Variants in TMEM41B observed in about 807,000 individuals in gnomAD.
TMEM41B encodes protein stasimon.
A neutral mutation model predicts 31.9 loss-of-function variants in TMEM41B; 18 were observed. The ratio of observed to expected loss-of-function variants is 0.56; its 90% CI spans 0.39 to 0.84. The LOEUF (loss-of-function observed/expected upper bound fraction) is 0.84. TMEM41B is among the 40% of genes least tolerant of loss of function. The pLI is 0.00. For missense variants in TMEM41B, 322 were observed against 348.0 expected (o/e 0.93, Z 0.59); for synonymous variants, 144 against 124.3 (o/e 1.16, Z -1.05).
intron 1 of TMEM41B, among the ~76,000 whole-genome samples, chr11:9,300,292 T>C (rs1266102150): frequency 6.6e-6 from 1 of 152,120 alleles, no homozygotes; most frequent in East Asian, 1.9e-4. Flanking sequence ...AAGAACATTG[T>C]TCTAAATGCT....
chr11:9,313,882 C>A (rs1853622504), intron 1 of TMEM41B, among the ~76,000 whole-genome samples: 1 of 152,148 alleles, frequency 6.6e-6, no homozygotes, highest in Non-Finnish European at 1.5e-5. Context: ...TGTACTGCCA[C>A]CTGGAAGTAT....
At chr11:9,287,854 T>G (rs1194505137) in intron 4 of TMEM41B, 48 bp from the exon 5 acceptor site, 1 of 1,399,618 alleles carries the variant, frequency 7.1e-7, no homozygotes, top group Non-Finnish European at 1.0e-6. Flanking sequence ...TCCGTCTTAC[T>G]CACATTGATT....
chr11:9,285,152 T>C (rs1294873514), intron 6 of TMEM41B, among the ~76,000 whole-genome samples: 1 of 148,006 alleles, frequency 6.8e-6, no homozygotes, highest in Non-Finnish European at 1.5e-5. Flanking sequence ...TGGCACAATC[T>C]CGGTTCACTG....
chr11:9,284,998 T>G (rs568151390), intron 6 of TMEM41B, among the ~76,000 whole-genome samples: 7 of 152,052 alleles, frequency 4.6e-5, no homozygotes, highest in African/African-American at 1.7e-4. Context: ...TTAGATTCCA[T>G]GGATATGACA....
rs747365244 is a variant in TMEM41B, at chr11:9,295,314, AT to A, written c.312del (p.Lys104AsnfsTer12). ...ACTTGAACATAAAAGGTGTCCTTGT[AT>A]TTGGATAAAACTTTTCCTAGAGCCT... ...DAKALGKVLS[K>X]YKDTFYVQVL... On this transcript the variant is annotated frameshift_variant, in exon 3 of 7. Coordinates refer to ENST00000528080, the MANE Select transcript of TMEM41B (RefSeq NM_015012.4). LOFTEE classifies it high-confidence loss of function. 1 of 1,598,448 alleles carries A rather than the reference AT, an allele frequency of 6.3e-7. No homozygotes were observed. Among genetic ancestry groups the A allele is most frequent in the South Asian group, 1.1e-5 (1 of 89,398 alleles).
At chr11:9,292,047 T>A (rs978692930) in intron 3 of TMEM41B, among the ~76,000 whole-genome samples, 3 of 152,152 alleles carry the variant, frequency 2.0e-5, no homozygotes, top group African/African-American at 7.2e-5. Flanking sequence ...TTGTCAGACT[T>A]CAAGAAATTA....
At position 9,314,490 on chromosome 11, in the gene TMEM41B, A is replaced by G. The variant is rs994610889; in HGVS notation, c.-49T>C. ...GGTGCGGTGCCGCGCCCCCTAAACA[A>G]CAAAACTCTGTTGCAGGCTCCTTAC... is the stretch of plus-strand genomic sequence containing the variant. On this transcript the variant is annotated 5_prime_UTR_variant, in exon 1 of 7. Coordinates refer to ENST00000528080, the MANE Select transcript of TMEM41B (RefSeq NM_015012.4). 3 of 1,517,356 alleles carry G rather than the reference A, an allele frequency of 2.0e-6. No homozygotes were observed. Among genetic ancestry groups the G allele is most frequent in the Non-Finnish European group, 1.8e-6 (2 of 1,128,184 alleles). 94.0% of individuals were successfully genotyped at this position (1,517,356 alleles called of 1,614,324 possible).
Position 9,296,038 on chromosome 11 carries a change from G to C in TMEM41B, c.240-651C>G, listed in dbSNP as rs1393613950. Among the ~76,000 whole-genome samples the C allele has an allele frequency of 5.4e-5, 8 of 149,520 alleles. No homozygotes were observed. In the East Asian group the frequency reaches 8.1e-4, roughly 15 times the overall value. ...TGCCTGACTAATTTTTGTATTTTTA[G>C]TAGAGACGGGGTTTCACCATGTTGG... is the stretch of plus-strand genomic sequence containing the variant. On this transcript the variant is annotated intron_variant, in intron 2 of 6. Transcript: ENST00000528080.
In TMEM41B at chr11:9,299,265, AG is replaced by A. The variant is rs1322602603; in HGVS notation, c.239+318del. ...GCCACTGCATTCCAGCCTGGGTGAC[AG>A]GGCAAGACTCTGTCTCAAAAAAAAA... On this transcript the variant is annotated intron_variant, in intron 2 of 6. Transcript: ENST00000528080. Among the ~76,000 whole-genome samples the A allele has an allele frequency of 2.7e-5, 3 of 112,624 alleles. No individual in the cohort carries two copies. In the East Asian group the frequency reaches 8.5e-4, roughly 32 times the overall value. The allele number at this position is 112,624 out of a possible 152,430, so 73.9% of individuals were successfully genotyped here.
chr11:9,310,704 G>C (rs532105859), intron 1 of TMEM41B, among the ~76,000 whole-genome samples: 1 of 137,994 alleles, frequency 7.2e-6, no homozygotes, highest in South Asian at 2.3e-4. Context: ...ACTTTATTTG[G>C]ACTGAGAGCT....
intron 2 of TMEM41B, 27 bp from the exon 3 acceptor site, chr11:9,295,414 G>T (rs943084381): frequency 2.1e-6 from 3 of 1,422,622 alleles, no homozygotes; most frequent in African/African-American, 1.4e-5. Flanking sequence ...AAAAATTTTA[G>T]AACAGAATTT....
chr11:9,289,796 C>T (rs1221607448), intron 3 of TMEM41B, among the ~76,000 whole-genome samples: 1 of 152,174 alleles, frequency 6.6e-6, no homozygotes, highest in East Asian at 1.9e-4. Flanking sequence ...AACATGGCTT[C>T]AGTGAACTGT....
At position 9,314,216 on chromosome 11, in the gene TMEM41B, C is replaced by A. The variant is rs576233724; in HGVS notation, c.121+105G>T. On this transcript the variant is annotated intron_variant, in intron 1 of 6. Transcript: ENST00000528080. Reference sequence around the variant, plus strand: ...TGCTCCCGCCGCGGCGCCAGCAGGCCCCCCTCTTTCCCCGCGACTCTCCGA... The same window carrying A: ...TGCTCCCGCCGCGGCGCCAGCAGGCACCCCTCTTTCCCCGCGACTCTCCGA... 5.1e-6 allele frequency: 7 copies of A among 1,361,896 alleles called. No individual in the cohort carries two copies. In the South Asian group the frequency reaches 6.0e-5, roughly 12 times the overall value. The allele number at this position is 1,361,896 out of a possible 1,614,324, so 84.4% of individuals were successfully genotyped here. A position where few individuals can be genotyped will look rare whatever the true frequency, so the allele number is the denominator to read the frequency against.
chr11:9,312,688 C>A (rs1296151632), intron 1 of TMEM41B, among the ~76,000 whole-genome samples: 1 of 152,014 alleles, frequency 6.6e-6, no homozygotes, highest in Non-Finnish European at 1.5e-5. Flanking sequence ...GGCGGATCAA[C>A]AGGTCAGGAG....
intron 1 of TMEM41B, among the ~76,000 whole-genome samples, chr11:9,301,544 CA>C (rs1853260357): frequency 6.6e-6 from 1 of 152,054 alleles, no homozygotes; most frequent in Admixed American, 6.6e-5. Context: ...GTGTATTAGA[CA>C]GCTGTCATTG....
chr11:9,292,784 C>T lies in TMEM41B; in HGVS notation c.368+2475G>A, dbSNP rs1377980717. Among the ~76,000 whole-genome samples the T allele has an allele frequency of 3.9e-5, 6 of 152,200 alleles. No homozygotes were observed. In the South Asian group the frequency reaches 1.2e-3, roughly 32 times the overall value. On this transcript the variant is annotated intron_variant, in intron 3 of 6. Transcript: ENST00000528080. ...AAAGTGCTGGGATTATAGGTGTGAGCCACCACACCCGGCCCTGATAATACT... is the reference window on the plus strand; with the variant it reads ...AAAGTGCTGGGATTATAGGTGTGAGTCACCACACCCGGCCCTGATAATACT...
intron 1 of TMEM41B, among the ~76,000 whole-genome samples, chr11:9,310,486 T>C (rs768954455): frequency 1.3e-5 from 2 of 152,126 alleles, no homozygotes; most frequent in African/African-American, 2.4e-5. Context: ...TCCATCAAAT[T>C]GATTTCACAC....
chr11:9,309,778 C>G (rs994456499), intron 1 of TMEM41B, among the ~76,000 whole-genome samples: 4 of 150,778 alleles, frequency 2.7e-5, no homozygotes, highest in Admixed American at 1.3e-4. Context: ...AAAAATTAGC[C>G]AGGCGTGGTG....
chr11:9,312,774 G>C (rs1853591208), intron 1 of TMEM41B, among the ~76,000 whole-genome samples: 1 of 151,924 alleles, frequency 6.6e-6, no homozygotes, highest in Non-Finnish European at 1.5e-5. Context: ...CGTGGTGGTG[G>C]GCGCCTGTAG....
Sources: allele counts gnomAD v4.1 joint callset (sites outside exome capture counted in the v4.1 genomes callset), GRCh38; gene constraint gnomAD v4.1.1; transcripts MANE v1.5; gene names NCBI Gene and HGNC (gene_info 2026-07-23, HGNC 2026-07-21).